Variants in CCDC39 observed in about 807,000 individuals in gnomAD.
The protein encoded by CCDC39 is coiled-coil domain-containing protein 39.
In CCDC39, 113 loss-of-function variants were observed where a neutral mutation model predicts 121.0. The observed-to-expected ratio is 0.93, with a 90% CI of 0.80 to 1.09. The LOEUF is 1.09. CCDC39 is among the 50% of genes least tolerant of loss of function. CCDC39 has a pLI of 0.00. For synonymous variants in CCDC39, 349 were observed against 352.2 expected (o/e 0.99, Z 0.10); for missense variants, 1,063 against 1,074.7 (o/e 0.99, Z 0.15).
intron 14 of CCDC39, among the ~76,000 whole-genome samples, chr3:180,628,539 A>G (rs1377358957): frequency 1.3e-5 from 2 of 152,114 alleles, no homozygotes; most frequent in African/African-American, 4.8e-5. Context: ...TAAACCATCT[A>G]GTTTATTGTA....
At chr3:180,615,865 A>G (rs1295381085) in intron 19 of CCDC39, among the ~76,000 whole-genome samples, 2 of 152,234 alleles carry the variant, frequency 1.3e-5, no homozygotes, top group East Asian at 1.9e-4. Flanking sequence ...CTGATTATGT[A>G]AAATACCACA....
At chr3:180,631,748 C>T (rs1172893612) in intron 13 of CCDC39, among the ~76,000 whole-genome samples, 156 bp from the exon 14 acceptor site, 2 of 152,024 alleles carry the variant, frequency 1.3e-5, no homozygotes, top group East Asian at 1.9e-4. Flanking sequence ...AAAAGACTAT[C>T]AGGTGTTCTT....
chr3:180,644,523 A>G (rs1023687741), intron 11 of CCDC39, among the ~76,000 whole-genome samples: 2 of 152,124 alleles, frequency 1.3e-5, no homozygotes, highest in African/African-American at 4.8e-5. Flanking sequence ...TTCCAGTTCA[A>G]CCTAATGAAT....
intron 13 of CCDC39, among the ~76,000 whole-genome samples, chr3:180,634,258 G>C (rs1717774809): frequency 6.6e-6 from 1 of 151,532 alleles, no homozygotes; most frequent in African/African-American, 2.4e-5. Context: ...GCTCTGCAGT[G>C]GTACTACCCC....
chr3:180,648,174 C>T lies in CCDC39; in HGVS notation c.1353G>A (p.Met451Ile), dbSNP rs769759206. 1 of 1,611,536 alleles carries T rather than the reference C, an allele frequency of 6.2e-7. No individual in the cohort carries two copies. The highest frequency in any genetic ancestry group is 1.1e-5 in the South Asian group (1 of 90,910). The change falls in exon 10 of 20, where the codon ATG becomes ATA. Residue 451 changes from methionine to isoleucine, a missense_variant. Physicochemically the swap from Met to Ile is conservative, Grantham distance 10 (BLOSUM62 1). Transcript: ENST00000476379. ...DFETLKQQEIMYSQDFHIQQV... is the reference protein window; with the variant it reads ...DFETLKQQEIIYSQDFHIQQV... Reference sequence around the variant, plus strand: ...TAAAAGTAACATCTACCTGGCTGTACATAATTTCTTGCTGCTTCAAGGTTT... The same window carrying T: ...TAAAAGTAACATCTACCTGGCTGTATATAATTTCTTGCTGCTTCAAGGTTT...
intron 9 of CCDC39, 95 bp from the exon 10 acceptor site, chr3:180,648,454 A>G: frequency 1.2e-6 from 1 of 863,678 alleles, no homozygotes; most frequent in Admixed American, 2.8e-5. Flanking sequence ...ATAAATTTGA[A>G]CCCTCCACTA....
Position 180,659,439 on chromosome 3 carries a change from A to C in CCDC39, c.738+13T>G, listed in dbSNP as rs1273826034. 1 of 1,613,018 alleles carries C rather than the reference A, an allele frequency of 6.2e-7. No individual in the cohort carries two copies. The highest frequency in any genetic ancestry group is 8.5e-7 in the Non-Finnish European group (1 of 1,179,508). ...TGCAGCTGAACATTACAAGGACCAA[A>C]CAACTACTTTACCAAAGCACAGTTA... On this transcript the variant is annotated intron_variant, in intron 6 of 19. Coordinates refer to ENST00000476379, the MANE Select transcript of CCDC39 (RefSeq NM_181426.2).
chr3:180,641,691 G>T (rs1168839372), intron 13 of CCDC39, among the ~76,000 whole-genome samples: 1 of 152,104 alleles, frequency 6.6e-6, no homozygotes, highest in Non-Finnish European at 1.5e-5. Context: ...TTCAATAGAT[G>T]CAGCTATTGA....
rs1717255332 is a variant in CCDC39 at position 180,616,642 on chromosome 3, T to G, written c.2460A>C (p.Thr820=). The G allele has an allele frequency of 6.3e-7, 1 of 1,594,528 alleles. No homozygotes were observed. Among genetic ancestry groups the G allele is most frequent in the Non-Finnish European group, 8.6e-7 (1 of 1,169,042 alleles). Reference sequence around the variant, plus strand: ...GAAGTTTGATGTCTTGTTCTTCCATTGTTTCATCTTTTGTGTCTTTCAAAA... The same window carrying G: ...GAAGTTTGATGTCTTGTTCTTCCATGGTTTCATCTTTTGTGTCTTTCAAAA... ...IRLLKDTKDE[T]MEEQDIKLRE... Residue 820 remains threonine, a synonymous_variant, in exon 18 of 20, where the codon ACA becomes ACC. Coordinates refer to ENST00000476379, the MANE Select transcript of CCDC39 (RefSeq NM_181426.2).
intron 12 of CCDC39, 33 bp from the exon 13 acceptor site, chr3:180,642,234 ATTATTT>A (rs1409686977): frequency 1.1e-5 from 15 of 1,391,924 alleles, no homozygotes; most frequent in Non-Finnish European, 1.4e-5. Context: ...AAATATTGAA[ATTATTT>A]TTAATTGCAA....
In CCDC39 at chr3:180,654,832, T is replaced by A. The variant is rs762867286; in HGVS notation, c.860A>T (p.Asp287Val). 4 of 1,610,688 alleles carry A rather than the reference T, an allele frequency of 2.5e-6. No individual in the cohort carries two copies. Among genetic ancestry groups the A allele is most frequent in the Non-Finnish European group, 2.5e-6 (3 of 1,178,534 alleles). The change falls in exon 7 of 20, where the codon GAT becomes GTT. Residue 287 changes from aspartate (D) to valine (V), a missense_variant. Coordinates refer to ENST00000476379, the MANE Select transcript of CCDC39 (RefSeq NM_181426.2). The stretch of plus-strand genomic sequence containing the variant: ...CGTTCTACATTTTAAAAGTTTACGA[T>A]CAGCCACAGAAATTCTTTTCTCAAA... The part of the protein sequence containing the change: ...TEFEKRISVA[D>V]RKLLKCRTAY...
At chr3:180,617,249 A>C (rs1717279899) in intron 16 of CCDC39, 2 of 474,658 alleles carry the variant, frequency 4.2e-6, no homozygotes, top group South Asian at 9.6e-5. Context: ...TGGTGTAAAC[A>C]AACCTGCATT....
At position 180,679,187 on chromosome 3, in the gene CCDC39, ATT is replaced by A; in HGVS notation, c.90+102_90+103del. 2.3e-6 allele frequency: 2 copies of A among 858,972 alleles called. No individual in the cohort carries two copies. The highest frequency in any genetic ancestry group is 4.1e-6 in the Non-Finnish European group (2 of 492,810). 53.2% of individuals were successfully genotyped at this position (858,972 alleles called of 1,614,324 possible). A position where few individuals can be genotyped will look rare whatever the true frequency, so the allele number is the denominator to read the frequency against. ...GGGGGAGTGTTAGAGGAAGCACAGG[ATT>A]AGGAAAGGAGAGAAATAAAAGGGCT... On this transcript the variant is annotated intron_variant, in intron 1 of 19. Transcript: ENST00000476379. The surrounding 1 kb of genome is among the most constrained non-coding windows in gnomAD (Gnocchi z 4.0).
intron 1 of CCDC39, among the ~76,000 whole-genome samples, chr3:180,664,395 T>A (rs2108431259): frequency 6.6e-6 from 1 of 152,312 alleles, no homozygotes; most frequent in East Asian, 1.9e-4. Context: ...CGAAATACCA[T>A]CACATTGAGG....
intron 13 of CCDC39, among the ~76,000 whole-genome samples, chr3:180,640,225 A>G (rs1717924119): frequency 6.6e-6 from 1 of 152,092 alleles, no homozygotes; most frequent in South Asian, 2.1e-4. Context: ...TATCTCAAAT[A>G]TACCTCAATA....
intron 7 of CCDC39, among the ~76,000 whole-genome samples, chr3:180,654,053 C>CAAA (rs578183788): frequency 2.3e-4 from 28 of 124,380 alleles, no homozygotes; most frequent in African/African-American, 7.5e-4. Context: ...ACTGTACTGG[C>CAAA]AAAAAAAAAA....
intron 14 of CCDC39, among the ~76,000 whole-genome samples, chr3:180,626,300 T>G (rs1051776050): frequency 2.6e-5 from 4 of 152,076 alleles, no homozygotes; most frequent in African/African-American, 9.7e-5. Context: ...ACTTGAGTAC[T>G]TGGGGGATGG....
Position 180,616,568 on chromosome 3 carries a change from A to T in CCDC39, c.2534T>A (p.Ile845Asn). The change falls in exon 18 of 20, where the codon ATC (isoleucine) becomes AAC (asparagine). Residue 845 changes from isoleucine to asparagine, a missense_variant. Transcript: ENST00000476379. ...HKVIDEMLVDIIEENTEIRII... is the reference protein window; with the variant it reads ...HKVIDEMLVDNIEENTEIRII... The stretch of plus-strand genomic sequence containing the variant: ...ACGGATCTCAGTATTTTCTTCTATG[A>T]TATCAACTAACATTTCATCAATAAC... The T allele has an allele frequency of 1.2e-6, 2 of 1,600,572 alleles. No homozygotes were observed. The highest frequency in any genetic ancestry group is 1.7e-6 in the Non-Finnish European group (2 of 1,173,882).
At chr3:180,667,738 T>C (rs1286470809) in intron 1 of CCDC39, among the ~76,000 whole-genome samples, 2 of 152,114 alleles carry the variant, frequency 1.3e-5, no homozygotes, top group Admixed American at 6.6e-5. Flanking sequence ...CCTCTATGTA[T>C]AAAAATCAAA....
Sources: gnomAD v4.1 joint callset for allele counts (sites outside exome capture counted in the v4.1 genomes callset) on GRCh38, gnomAD v4.1.1 for gene constraint, Gnocchi (gnomAD v3.1) non-coding constraint, MANE v1.5 for transcripts, NCBI Gene and HGNC (gene_info 2026-07-23, HGNC 2026-07-21) for gene names.